Variants in BARX2 observed in about 807,000 individuals in gnomAD.
The protein encoded by BARX2 is homeobox protein BarH-like 2.
A neutral mutation model predicts 25.5 loss-of-function variants in BARX2; 11 were observed. The ratio of observed to expected loss-of-function variants is 0.43; its 90% CI spans 0.27 to 0.71. The LOEUF (loss-of-function observed/expected upper bound fraction) is 0.71, where lower values mean the gene tolerates loss of function less well. Among genes scored for constraint, BARX2 ranks in the 30% least tolerant of loss-of-function variants. The pLI is 0.19. For missense variants in BARX2, 360 were observed against 359.9 expected, an observed-to-expected ratio of 1.00 and a Z score of 0.00; for synonymous variants, 137 against 149.5, an observed-to-expected ratio of 0.92 and a Z score of 0.61.
chr11:129,394,609 A>G (rs1861699077), intron 1 of BARX2, among the ~76,000 whole-genome samples: 1 of 152,138 alleles, frequency 6.6e-6, no homozygotes, highest in African/African-American at 2.4e-5. Flanking sequence ...CCACTAGAAA[A>G]TAAGTCTTCC....
chr11:129,387,048 A>C (rs555518006), intron 1 of BARX2, among the ~76,000 whole-genome samples: 8 of 152,314 alleles, frequency 5.3e-5, no homozygotes, highest in Non-Finnish European at 8.8e-5. Context: ...CAGTTTCATT[A>C]CCAGGGTTCA....
chr11:129,378,433 A>G (rs1861526428), intron 1 of BARX2, among the ~76,000 whole-genome samples: 1 of 152,182 alleles, frequency 6.6e-6, no homozygotes, highest in South Asian at 2.1e-4. Context: ...TTTTGTTTTT[A>G]ACAGTTAAGG....
chr11:129,384,249 A>C (rs1348496055), intron 1 of BARX2, among the ~76,000 whole-genome samples: 1 of 151,932 alleles, frequency 6.6e-6, no homozygotes, highest in Non-Finnish European at 1.5e-5. Context: ...TTTTTTAAAA[A>C]ACCAACATAT....
chr11:129,383,138 T>C (rs1861585431), intron 1 of BARX2, among the ~76,000 whole-genome samples: 1 of 152,198 alleles, frequency 6.6e-6, no homozygotes, highest in Admixed American at 6.5e-5. Context: ...GTTTGTTTGT[T>C]TTTTAACCAG....
chr11:129,393,060 C>T (rs866575615), intron 1 of BARX2, among the ~76,000 whole-genome samples: 3 of 152,082 alleles, frequency 2.0e-5, no homozygotes, highest in Non-Finnish European at 4.4e-5. Flanking sequence ...CATTTGAGCC[C>T]AGGAATTTGA....
chr11:129,440,374 A>C (rs1471153269), intron 2 of BARX2, among the ~76,000 whole-genome samples: 2 of 152,186 alleles, frequency 1.3e-5, no homozygotes, highest in Admixed American at 1.3e-4. Context: ...GCCTCAGGTG[A>C]ACTGGGCTCG....
At chr11:129,380,665 C>T (rs1351560393) in intron 1 of BARX2, among the ~76,000 whole-genome samples, 1 of 152,194 alleles carries the variant, frequency 6.6e-6, no homozygotes, top group Non-Finnish European at 1.5e-5. Flanking sequence ...CTCCTGTTCC[C>T]ATTGTAAGGG....
chr11:129,404,272 C>T (rs1035002120), intron 1 of BARX2, among the ~76,000 whole-genome samples: 5 of 152,194 alleles, frequency 3.3e-5, no homozygotes, highest in African/African-American at 4.8e-5. Context: ...TGCAGGCTGA[C>T]GGGGTGAACA....
chr11:129,396,724 A>G (rs563264527), intron 1 of BARX2, among the ~76,000 whole-genome samples: 1 of 152,086 alleles, frequency 6.6e-6, no homozygotes, highest in Non-Finnish European at 1.5e-5. Flanking sequence ...GGAGTAATAG[A>G]ATATGCTGGA....
chr11:129,412,008 C>A (rs1376810225), intron 1 of BARX2, among the ~76,000 whole-genome samples: 1 of 152,164 alleles, frequency 6.6e-6, no homozygotes, highest in African/African-American at 2.4e-5. Flanking sequence ...CACGGTGGCT[C>A]ACACCTGTAA....
chr11:129,441,200 G>A (rs1000718456), intron 2 of BARX2, among the ~76,000 whole-genome samples: 2 of 152,100 alleles, frequency 1.3e-5, no homozygotes, highest in Non-Finnish European at 2.9e-5. Context: ...GCATCCCTGC[G>A]ATCCCCTTTG....
intron 3 of BARX2, among the ~76,000 whole-genome samples, chr11:129,450,505 T>A (rs1251894247): frequency 6.6e-6 from 1 of 152,226 alleles, no homozygotes; most frequent in Non-Finnish European, 1.5e-5. Context: ...GTAATGGTTG[T>A]CAAGTATTCT....
chr11:129,402,701 T>G (rs12272959), intron 1 of BARX2, among the ~76,000 whole-genome samples: 1 of 152,196 alleles, frequency 6.6e-6, no homozygotes, highest in Non-Finnish European at 1.5e-5. Flanking sequence ...GATTAACTGG[T>G]TGGTTAACTC....
chr11:129,390,148 T>C lies in BARX2; in HGVS notation c.187+13926T>C, dbSNP rs1861653088. Among the ~76,000 whole-genome samples the C allele has an allele frequency of 6.6e-6, 1 of 152,192 alleles. No individual in the cohort carries two copies. The highest frequency in any genetic ancestry group is 1.5e-5 in the Non-Finnish European group (1 of 68,028). ...TTCTCTTGATGAGGAGTTCTCACCTTCTATGGTGCAAAGGCATCGCCAGTG... is the reference window on the plus strand; with the variant it reads ...TTCTCTTGATGAGGAGTTCTCACCTCCTATGGTGCAAAGGCATCGCCAGTG... On this transcript the variant is annotated intron_variant, in intron 1 of 3. Transcript: ENST00000281437. This position sits in a 1 kb window ranked among gnomAD's most constrained non-coding sequence, Gnocchi z 4.3.
At chr11:129,444,703 T>C (rs987576048) in intron 3 of BARX2, among the ~76,000 whole-genome samples, 4 of 151,858 alleles carry the variant, frequency 2.6e-5, no homozygotes, top group African/African-American at 9.7e-5. Context: ...CCGGGAGAAG[T>C]TGAAATTGAA....
intron 1 of BARX2, among the ~76,000 whole-genome samples, chr11:129,411,371 C>CAAAAAAAAA (rs34667411): frequency 1.9e-5 from 1 of 53,852 alleles, no homozygotes; most frequent in African/African-American, 6.1e-5. Flanking sequence ...ACTCCATCTC[C>CAAAAAAAAA]AAAAAAAAAA....
rs189615305 is a variant in BARX2 at position 129,387,031 on chromosome 11, G to C, written c.187+10809G>C. ...ACTGGACGTGATGGAAAGGATGGTG[G>C]CTCTATCAGTTTCATTACCAGGGTT... On this transcript the variant is annotated intron_variant, in intron 1 of 3. Coordinates refer to ENST00000281437, the MANE Select transcript of BARX2 (RefSeq NM_003658.5). Among the ~76,000 whole-genome samples, 10 of 152,332 alleles carry C rather than the reference G, an allele frequency of 6.6e-5. No individual in the cohort carries two copies. In the East Asian group the frequency reaches 1.9e-3, roughly 29 times the overall value.
At chr11:129,441,665 G>T (rs1303445825) in intron 2 of BARX2, among the ~76,000 whole-genome samples, 1 of 152,084 alleles carries the variant, frequency 6.6e-6, no homozygotes, top group Non-Finnish European at 1.5e-5. Flanking sequence ...GGCCAGGCTG[G>T]TCTCCAACTT....
intron 1 of BARX2, among the ~76,000 whole-genome samples, chr11:129,395,238 C>T (rs1384857168): frequency 1.3e-5 from 2 of 152,066 alleles, no homozygotes; most frequent in Non-Finnish European, 1.5e-5. Flanking sequence ...TTGACTGTGC[C>T]GAGCCTAGAG....
Sources: gnomAD v4.1 joint callset for allele counts (sites outside exome capture counted in the v4.1 genomes callset) on GRCh38, gnomAD v4.1.1 for gene constraint, Gnocchi (gnomAD v3.1) non-coding constraint, MANE v1.5 for transcripts, NCBI Gene and HGNC (gene_info 2026-07-23, HGNC 2026-07-21) for gene names.